The following STX2 variants were observed in gnomAD, a reference collection of about 807,000 sequenced individuals.
The protein encoded by STX2 is syntaxin-2.
A neutral mutation model predicts 40.6 loss-of-function variants in STX2; 27 were observed. That is an observed-to-expected ratio of 0.66 (90% CI 0.49 to 0.92). The LOEUF (loss-of-function observed/expected upper bound fraction) is 0.92, where lower values mean the gene tolerates loss of function less well. Ranked by LOEUF, STX2 falls within the 40% of genes least tolerant of loss-of-function variation. The pLI, the probability that STX2 is intolerant of heterozygous loss-of-function variation, is 0.00. For synonymous variants in STX2, 123 were observed against 119.1 expected (o/e 1.03, Z -0.22); for missense variants, 328 against 366.1 (o/e 0.90, Z 0.85).
At chr12:130,813,533 C>T (rs963463383) in intron 3 of STX2, among the ~76,000 whole-genome samples, 14 of 152,196 alleles carry the variant, frequency 9.2e-5, no homozygotes, top group Non-Finnish European at 4.4e-5. Flanking sequence ...GCTGCTGGGC[C>T]GGTCGCCCTG....
chr12:130,818,185 A>AAAAAAAAAAAAAAATACATAT, intron 3 of STX2, among the ~76,000 whole-genome samples: 3 of 70,588 alleles, frequency 4.3e-5, no homozygotes, highest in African/African-American at 3.6e-4. Flanking sequence ...AAAAAAAAAA[A>AAAAAAAAAAAAAAATACATAT]ATATATATAT....
rs775656089 is a variant in STX2 at position 130,816,243 on chromosome 12, C to A, written c.206-3212G>T. Among the ~76,000 whole-genome samples the A allele has an allele frequency of 4.4e-4, 67 of 152,216 alleles. 1 individual carries two copies. The highest frequency in any genetic ancestry group is 8.4e-4 in the Non-Finnish European group (57 of 68,040). On this transcript the variant is annotated intron_variant, in intron 3 of 10. Coordinates refer to ENST00000392373, the MANE Select transcript of STX2 (RefSeq NM_194356.4). ...GAGACGGTCTTGAGCCACCGCGCAG[C>A]CACAGAAACCACAAGATCTGAGAGC...
At chr12:130,813,338 T>A (rs1257414603) in intron 3 of STX2, among the ~76,000 whole-genome samples, 2 of 152,190 alleles carry the variant, frequency 1.3e-5, no homozygotes. Context: ...GACACAAGTT[T>A]GAGACTTGCT....
intron 6 of STX2, among the ~76,000 whole-genome samples, chr12:130,804,970 G>A (rs1386002251): frequency 6.6e-6 from 1 of 152,100 alleles, no homozygotes; most frequent in Non-Finnish European, 1.5e-5. Flanking sequence ...CATGGGGAGT[G>A]AAGACAGGAT....
At chr12:130,831,745 T>TA (rs1454602517) in intron 1 of STX2, among the ~76,000 whole-genome samples, 3 of 152,176 alleles carry the variant, frequency 2.0e-5, no homozygotes, top group African/African-American at 7.2e-5. Flanking sequence ...TTTATACCTA[T>TA]AATAAAATGT....
intron 6 of STX2, among the ~76,000 whole-genome samples, chr12:130,804,962 T>C (rs887211139): frequency 3.3e-5 from 5 of 151,770 alleles, no homozygotes; most frequent in South Asian, 2.1e-4. Flanking sequence ...CGGATTCACA[T>C]GGGGAGTGAA....
In STX2 at chr12:130,839,079, G is replaced by T; in HGVS notation, c.21C>A (p.Asp7Glu). ...CGCGGCTGCCGCTCACCGCCGTCAG[G>T]TCTGGCAGCCGGTCCCGCATCCCCG... MRDRLPDLTACRKNDDG... is the reference protein window; with the variant it reads MRDRLPELTACRKNDDG... Residue 7 changes from aspartate (D) to glutamate (E), a missense_variant, in exon 1 of 11, where the codon GAC (aspartate) becomes GAA (glutamate). By Grantham distance (45) the Asp-to-Glu change is conservative. Coordinates refer to ENST00000392373, the MANE Select transcript of STX2 (RefSeq NM_194356.4). 1 of 1,331,564 alleles carries T rather than the reference G, an allele frequency of 7.5e-7. No homozygotes were observed. The highest frequency in any genetic ancestry group is 3.2e-5 in the East Asian group (1 of 31,196). 82.5% of individuals were successfully genotyped at this position (1,331,564 alleles called of 1,614,324 possible). A position where few individuals can be genotyped will look rare whatever the true frequency, so the allele number is the denominator to read the frequency against.
chr12:130,818,185 A>AAAAAAAAAAAAAAATAT, intron 3 of STX2, among the ~76,000 whole-genome samples: 1 of 70,588 alleles, frequency 1.4e-5, no homozygotes, highest in African/African-American at 1.2e-4. Context: ...AAAAAAAAAA[A>AAAAAAAAAAAAAAATAT]ATATATATAT....
intron 10 of STX2, among the ~76,000 whole-genome samples, chr12:130,795,489 T>C (rs1407671942): frequency 6.6e-6 from 1 of 152,196 alleles, no homozygotes; most frequent in Non-Finnish European, 1.5e-5. Context: ...CTCATGTCTA[T>C]GTATAATCCC....
At position 130,827,186 on chromosome 12, in the gene STX2, C is replaced by T. The variant is rs752175057; in HGVS notation, c.105+7G>A. Reference sequence around the variant, plus strand: ...GGCTATGATTGGGTTTCATTAAACGCTCTTACCTGATGGAAGAAATCATCC... The same window carrying T: ...GGCTATGATTGGGTTTCATTAAACGTTCTTACCTGATGGAAGAAATCATCC... On this transcript the variant is annotated splice_region_variant and intron_variant, in intron 2 of 10. Coordinates refer to ENST00000392373, the MANE Select transcript of STX2 (RefSeq NM_194356.4). 4 of 1,612,142 alleles carry T rather than the reference C, an allele frequency of 2.5e-6. No homozygotes were observed. Among genetic ancestry groups the T allele is most frequent in the Non-Finnish European group, 8.5e-7 (1 of 1,178,986 alleles).
intron 2 of STX2, among the ~76,000 whole-genome samples, chr12:130,822,036 T>G (rs1482365184): frequency 6.6e-6 from 1 of 152,114 alleles, no homozygotes; most frequent in Non-Finnish European, 1.5e-5. Context: ...TTGTAAAAAT[T>G]TCTAGTCAAG....
In STX2 at chr12:130,839,189, C is replaced by T. The variant is rs1216068464; in HGVS notation, c.-90G>A. The T allele has an allele frequency of 6.5e-6, 7 of 1,077,574 alleles. No homozygotes were observed. The highest frequency in any genetic ancestry group is 5.1e-5 in the Admixed American group (1 of 19,544). The allele number at this position is 1,077,574 out of a possible 1,614,324, so 66.8% of individuals were successfully genotyped here. On this transcript the variant is annotated 5_prime_UTR_variant, in exon 1 of 11. Transcript: ENST00000392373. Reference sequence around the variant, plus strand: ...CGGGCTCTCCGGTCTCCGCCTCAGGCCCCGCGGTCCCGGCCCGGCGCCAGC... The same window carrying T: ...CGGGCTCTCCGGTCTCCGCCTCAGGTCCCGCGGTCCCGGCCCGGCGCCAGC...
intron 4 of STX2, among the ~76,000 whole-genome samples, chr12:130,811,472 C>A (rs1038674396): frequency 6.7e-6 from 1 of 148,174 alleles, no homozygotes; most frequent in Non-Finnish European, 1.5e-5. Flanking sequence ...AATGTTATAT[C>A]TTATTTAAAA....
At position 130,808,693 on chromosome 12, in the gene STX2, T is replaced by C. The variant is rs1455466076; in HGVS notation, c.292A>G (p.Ser98Gly). The C allele has an allele frequency of 1.9e-6, 3 of 1,611,806 alleles. No homozygotes were observed. Among genetic ancestry groups the C allele is most frequent in the African/African-American group, 1.3e-5 (1 of 74,872 alleles). The change falls in exon 5 of 11, where the codon AGT (serine) becomes GGT (glycine). Residue 98 changes from serine to glycine, a missense_variant. Physicochemically the swap from Ser to Gly is moderately conservative, Grantham distance 56. Transcript: ENST00000392373. ...TTCCCACTCTCATCCTGATCAAAAC[T>C]TTGTTCAATAGCTAGGAACAAATAG... The part of the protein sequence containing the change: ...IRAKLKAIEQ[S>G]FDQDESGNRT...
chr12:130,812,102 C>A, intron 4 of STX2: 1 of 242,408 alleles, frequency 4.1e-6, no homozygotes, highest in Non-Finnish European at 8.2e-6. Flanking sequence ...AGAGAAAAAT[C>A]ATGAAGGGAG....
intron 6 of STX2, among the ~76,000 whole-genome samples, chr12:130,803,840 T>C (rs1370835978): frequency 6.6e-6 from 1 of 152,212 alleles, no homozygotes; most frequent in Non-Finnish European, 1.5e-5. Context: ...CACAACATTA[T>C]GAAAACTGGG....
intron 1 of STX2, among the ~76,000 whole-genome samples, chr12:130,836,881 GTAGATGAGCTGAC>G: frequency 6.6e-6 from 1 of 152,332 alleles, no homozygotes; most frequent in East Asian, 1.9e-4. Flanking sequence ...TGGTATTGAA[GTAGATGAGCTGAC>G]TTCTAGCTCT....
intron 3 of STX2, among the ~76,000 whole-genome samples, chr12:130,814,280 C>A (rs901002574): frequency 6.6e-6 from 1 of 152,076 alleles, no homozygotes; most frequent in Admixed American, 6.5e-5. Context: ...ACAAGACAAA[C>A]CCAGGAAGCG....
Position 130,820,815 on chromosome 12 carries a change from G to A in STX2, c.205+874C>T, listed in dbSNP as rs552125972. ...CACCGCACAGACCGGCATTAAAGGC[G>A]GCCTGTGTCGTGGAGGTAGGGGCCA... is the stretch of plus-strand genomic sequence containing the variant. On this transcript the variant is annotated intron_variant, in intron 3 of 10. Transcript: ENST00000392373. 2.5e-4 allele frequency among the ~76,000 whole-genome samples: 38 copies of A among 152,272 alleles called. 2 individuals carry two copies. The highest frequency in any genetic ancestry group is 1.3e-4 in the Admixed American group (2 of 15,292).
Sources: gnomAD v4.1 joint callset for allele counts (sites outside exome capture counted in the v4.1 genomes callset) on GRCh38, gnomAD v4.1.1 for gene constraint, MANE v1.5 for transcripts, NCBI Gene and HGNC (gene_info 2026-07-23, HGNC 2026-07-21) for gene names.